The following MARCHF1 variants were observed in gnomAD, a reference collection of about 807,000 sequenced individuals.
The protein encoded by MARCHF1 is E3 ubiquitin-protein ligase MARCHF1.
MARCHF1 carries 40 observed loss-of-function variants against 54.2 expected under a neutral mutation model. The observed-to-expected ratio is 0.74, with a 90% CI of 0.57 to 0.96. The LOEUF is 0.96. Among genes scored for constraint, MARCHF1 ranks in the 40% least tolerant of loss-of-function variants. The pLI is 0.00. For missense variants in MARCHF1, 586 were observed against 656.5 expected (o/e 0.89, Z 1.17); for synonymous variants, 236 against 236.3 (o/e 1.00, Z 0.01).
chr4:163,901,946 G>A (rs955225216), intron 3 of MARCHF1, among the ~76,000 whole-genome samples: 1 of 152,110 alleles, frequency 6.6e-6, no homozygotes, highest in African/African-American at 2.4e-5. Context: ...GTGAATAATG[G>A]AATTATACCA....
In MARCHF1 at chr4:163,558,137, C is replaced by A. The variant is rs142539368; in HGVS notation, c.1192-12394G>T. On this transcript the variant is annotated intron_variant, in intron 8 of 9. Transcript: ENST00000514618. The stretch of plus-strand genomic sequence containing the variant: ...AGTGTCTGAGCATGAGGTGGAAGGG[C>A]ACAGGTGAGGGGGGAAGAGTGGGCA... 1.2e-3 allele frequency among the ~76,000 whole-genome samples: 175 copies of A among 152,110 alleles called. 4 individuals are homozygous for A. The East Asian group carries it at 0.017, about 15-fold the overall frequency.
At chr4:164,027,392 A>AAAAAAAAG (rs1553971149) in intron 2 of MARCHF1, among the ~76,000 whole-genome samples, 1 of 58,982 alleles carries the variant, frequency 1.7e-5, no homozygotes, top group Non-Finnish European at 3.3e-5. Context: ...AAAAAAAAAA[A>AAAAAAAAG]AGATACATAG....
At chr4:164,215,355 T>C (rs944354444) in intron 1 of MARCHF1, among the ~76,000 whole-genome samples, 2 of 152,152 alleles carry the variant, frequency 1.3e-5, no homozygotes, top group Non-Finnish European at 2.9e-5. Context: ...TCCAGCTGCT[T>C]GTTTTCTTCC....
intron 4 of MARCHF1, among the ~76,000 whole-genome samples, chr4:163,852,340 T>C (rs539801639): frequency 6.6e-6 from 1 of 152,312 alleles, no homozygotes; most frequent in African/African-American, 2.4e-5. Flanking sequence ...ACAGTTTTTA[T>C]GGTTTTTGAT....
rs1579402953 is a variant in MARCHF1 at position 163,932,963 on chromosome 4, C to T, written c.-39+55538G>A. The stretch of plus-strand genomic sequence containing the variant: ...TGATAGATAATTCCCAAGGAGCTTA[C>T]CAAAAGGCATTTGATATAAGCAAGA... On this transcript the variant is annotated intron_variant, in intron 3 of 9. Coordinates refer to ENST00000514618, the MANE Select transcript of MARCHF1 (RefSeq NM_001394959.1). 4.1e-6 allele frequency: 3 copies of T among 731,124 alleles called. No individual in the cohort carries two copies. In the East Asian group the frequency reaches 9.9e-5, roughly 24 times the overall value. The allele number at this position is 731,124 out of a possible 1,614,324, so 45.3% of individuals were successfully genotyped here. A position where few individuals can be genotyped will look rare whatever the true frequency, so the allele number is the denominator to read the frequency against.
At chr4:164,344,955 T>C (rs1367263189) in intron 1 of MARCHF1, among the ~76,000 whole-genome samples, 1 of 152,208 alleles carries the variant, frequency 6.6e-6, no homozygotes, top group Non-Finnish European at 1.5e-5. Flanking sequence ...GTTTTCTCTT[T>C]GGCAAATTGT....
At chr4:164,150,752 A>G (rs1187021878) in intron 1 of MARCHF1, among the ~76,000 whole-genome samples, 2 of 152,238 alleles carry the variant, frequency 1.3e-5, no homozygotes, top group East Asian at 3.8e-4. Context: ...ACATTTTCAT[A>G]AAGAAAATAT....
intron 4 of MARCHF1, among the ~76,000 whole-genome samples, chr4:163,811,613 T>C (rs969451288): frequency 6.6e-6 from 1 of 152,116 alleles, no homozygotes; most frequent in South Asian, 2.1e-4. Flanking sequence ...TGGCTGAAAA[T>C]GTATGTTGGC....
intron 2 of MARCHF1, among the ~76,000 whole-genome samples, chr4:164,088,747 T>C (rs925262819): frequency 6.6e-6 from 1 of 151,684 alleles, no homozygotes; most frequent in East Asian, 1.9e-4. Context: ...TCAGAAAAAT[T>C]AAAATAAAAT....
chr4:164,197,230 T>C lies in MARCHF1; in HGVS notation c.-322-85568A>G, dbSNP rs768699282. On this transcript the variant is annotated intron_variant, in intron 1 of 9. Coordinates refer to ENST00000514618, the MANE Select transcript of MARCHF1 (RefSeq NM_001394959.1). ...ACCCTCCTCCTCGTCATCCAGGCCCTCCACGTGGTCCTCAATATCTGAGTA... is the reference window on the plus strand; with the variant it reads ...ACCCTCCTCCTCGTCATCCAGGCCCCCCACGTGGTCCTCAATATCTGAGTA... 5.0e-6 allele frequency: 8 copies of C among 1,610,484 alleles called. No individual in the cohort carries two copies. In the South Asian group the frequency reaches 5.5e-5, roughly 11 times the overall value.
intron 3 of MARCHF1, among the ~76,000 whole-genome samples, chr4:163,864,474 A>T (rs1484779313): frequency 6.6e-6 from 1 of 151,986 alleles, no homozygotes. Flanking sequence ...AACTAAATGT[A>T]ATGCAGCCTG....
chr4:163,775,350 TCTTTA>T (rs1386431956), intron 4 of MARCHF1, among the ~76,000 whole-genome samples: 1 of 152,186 alleles, frequency 6.6e-6, no homozygotes, highest in African/African-American at 2.4e-5. Context: ...TACAAATATT[TCTTTA>T]CTTGTTTGTC....
chr4:164,208,458 G>A (rs1322864633), intron 1 of MARCHF1, among the ~76,000 whole-genome samples: 1 of 152,190 alleles, frequency 6.6e-6, no homozygotes, highest in Non-Finnish European at 1.5e-5. Flanking sequence ...TAGACAAACT[G>A]CAGAAATTTA....
Position 163,612,377 on chromosome 4 carries a change from G to T in MARCHF1, c.904C>A (p.Pro302Thr). 1 of 1,535,324 alleles carries T rather than the reference G, an allele frequency of 6.5e-7. No homozygotes were observed. Among genetic ancestry groups the T allele is most frequent in the South Asian group, 1.2e-5 (1 of 84,022 alleles). The stretch of plus-strand genomic sequence containing the variant: ...TCATTCATGTCCTTGCTGCCTTCTG[G>T]AACTCCCAGTATTTCAGTGCTGGAA... ...TDSSTEILGV[P>T]EGSKDMNDAG... Residue 302 changes from proline (P) to threonine (T), a missense_variant, in exon 7 of 10, where the codon CCA (proline) becomes ACA (threonine). Coordinates refer to ENST00000514618, the MANE Select transcript of MARCHF1 (RefSeq NM_001394959.1).
intron 3 of MARCHF1, among the ~76,000 whole-genome samples, chr4:163,954,194 A>T (rs1472771115): frequency 6.6e-6 from 1 of 152,188 alleles, no homozygotes; most frequent in Non-Finnish European, 1.5e-5. Flanking sequence ...ATAAGGTAGG[A>T]AATTATAGTT....
At chr4:163,711,548 G>T (rs1159163069) in intron 4 of MARCHF1, among the ~76,000 whole-genome samples, 1 of 152,084 alleles carries the variant, frequency 6.6e-6, no homozygotes. Flanking sequence ...GCAGAGTCCT[G>T]GTAGATTACA....
chr4:164,109,249 A>G (rs13146167), intron 2 of MARCHF1, among the ~76,000 whole-genome samples: 127,509 of 151,896 alleles, frequency 0.84, 54,029 homozygotes, highest in Non-Finnish European at 0.89. Flanking sequence ...TTGGATTAAT[A>G]AGCACTTTCA....
intron 1 of MARCHF1, among the ~76,000 whole-genome samples, chr4:164,288,158 G>A (rs1734197117): frequency 6.6e-6 from 1 of 152,044 alleles, no homozygotes; most frequent in Admixed American, 6.6e-5. Flanking sequence ...GAGAATTAAC[G>A]CTGAGGTCTG....
intron 3 of MARCHF1, among the ~76,000 whole-genome samples, chr4:163,885,500 T>A (rs1750505682): frequency 6.6e-6 from 1 of 152,094 alleles, no homozygotes; most frequent in African/African-American, 2.4e-5. Context: ...TATAGTCAGA[T>A]CTTAAAAAGA....
Sources: gnomAD v4.1 joint callset for allele counts (sites outside exome capture counted in the v4.1 genomes callset) on GRCh38, gnomAD v4.1.1 for gene constraint, MANE v1.5 for transcripts, NCBI Gene and HGNC (gene_info 2026-07-23, HGNC 2026-07-21) for gene names.